Variants in SLC9A7 observed in about 807,000 individuals in gnomAD.
The protein encoded by SLC9A7 is solute carrier family 9 member A7.
Under a neutral mutation model 52.6 loss-of-function variants are expected in SLC9A7, and 19 were observed. The ratio of observed to expected loss-of-function variants is 0.36; its 90% CI spans 0.25 to 0.53. SLC9A7 has a LOEUF of 0.53. Among genes scored for constraint, SLC9A7 ranks in the 20% least tolerant of loss-of-function variants. The probability of loss-of-function intolerance (pLI) is 0.91; values close to 1 mark genes in which losing one functional copy is unlikely to be tolerated. For missense variants in SLC9A7, 455 were observed against 597.9 expected (o/e 0.76, Z 2.49); for synonymous variants, 226 against 252.1 (o/e 0.90, Z 0.98).
At chrX:46,730,325 G>T (rs1053566250) in intron 1 of SLC9A7, among the ~76,000 whole-genome samples, 4 of 109,778 alleles carry the variant, frequency 3.6e-5, no homozygotes, top group Non-Finnish European at 5.7e-5. Flanking sequence ...TTTAAAAAAA[G>T]AAAATAAAGG....
At chrX:46,628,639 C>G (rs1340920194) in intron 14 of SLC9A7, among the ~76,000 whole-genome samples, 1 of 112,325 alleles carries the variant, frequency 8.9e-6, no homozygotes, top group African/African-American at 3.2e-5. Context: ...GCCTTCCCAT[C>G]AAATGTCACT....
In SLC9A7 at chrX:46,605,758, A is replaced by G. The variant is rs975437692; in HGVS notation, c.*1194T>C. On this transcript the variant is annotated 3_prime_UTR_variant, in exon 17 of 17. Coordinates refer to ENST00000616978, the MANE Select transcript of SLC9A7 (RefSeq NM_001257291.2). ...TTTCTTGCTGCCTTCCCTTTCCCAG[A>G]TAATAGCATCCTACAAAATTTGGTG... is the stretch of plus-strand genomic sequence containing the variant. The G allele has an allele frequency of 9.0e-6, 1 of 111,705 alleles. No homozygotes were observed. The highest frequency in any genetic ancestry group is 3.3e-5 in the African/African-American group (1 of 30,656). 9.2% of individuals were successfully genotyped at this position (111,705 alleles called of 1,213,427 possible).
intron 7 of SLC9A7, among the ~76,000 whole-genome samples, chrX:46,661,251 C>T (rs773614039): frequency 6.3e-4 from 69 of 109,320 alleles, no homozygotes; most frequent in African/African-American, 2.2e-3. Flanking sequence ...AGGGATAGCA[C>T]TGGGAGATAT....
chrX:46,643,357 T>C lies in SLC9A7; in HGVS notation c.1495A>G (p.Ile499Val). 1 of 1,211,149 alleles carries C rather than the reference T, an allele frequency of 8.3e-7. No homozygotes were observed. The highest frequency in any genetic ancestry group is 3.0e-5 in the East Asian group (1 of 33,847). The change falls in exon 12 of 17, where the codon ATC becomes GTC. Residue 499 changes from isoleucine to valine, a missense_variant. This residue lies in a region of SLC9A7 where 304 missense variants were observed against 417.8 expected (regional missense o/e 0.73). Coordinates refer to ENST00000616978, the MANE Select transcript of SLC9A7 (RefSeq NM_001257291.2). ...CGAGCATAGGATGCCGTGTCACGGA[T>C]GGCCAACGCAAATGCCATTGCTCCC... is the stretch of plus-strand genomic sequence containing the variant. ...LRGAMAFALA[I>V]RDTASYARQM...
chrX:46,659,379 T>G (rs554662028), intron 7 of SLC9A7, among the ~76,000 whole-genome samples: 2,133 of 80,949 alleles, frequency 0.026, 80 homozygotes, highest in East Asian at 0.11. Flanking sequence ...CCAGGGCAAT[T>G]AGGCAGGAGA....
intron 1 of SLC9A7, among the ~76,000 whole-genome samples, chrX:46,717,115 C>T (rs1396254188): frequency 8.9e-6 from 1 of 112,119 alleles, no homozygotes; most frequent in Non-Finnish European, 1.9e-5. Context: ...GTCATAAAAA[C>T]CAAAGTTGAA....
intron 1 of SLC9A7, among the ~76,000 whole-genome samples, chrX:46,732,085 G>T (rs1945051277): frequency 9.1e-6 from 1 of 109,721 alleles, no homozygotes; most frequent in Non-Finnish European, 1.9e-5. Context: ...AGCCAGGCAT[G>T]GTGGCAGGCG....
Position 46,653,685 on chromosome X carries a change from G to A in SLC9A7, c.1071C>T (p.Phe357=), listed in dbSNP as rs1479432724. 30 of 1,208,598 alleles carry A rather than the reference G, an allele frequency of 2.5e-5. No individual in the cohort carries two copies. The highest frequency in any genetic ancestry group is 1.5e-4 in the East Asian group (5 of 33,740). Residue 357 remains phenylalanine, a synonymous_variant, in exon 8 of 17, where the codon TTC becomes TTT. Coordinates refer to ENST00000616978, the MANE Select transcript of SLC9A7 (RefSeq NM_001257291.2). ...LVTKFTKLHC[F]PLLETALFFL... is the part of the protein sequence containing the mutation. ...AGAACAGCGCCGTCTCCAGCAGGGG[G>A]AAGCAGTGCAGTTTGGTAAACTTAG... is the stretch of plus-strand genomic sequence containing the variant.
intron 1 of SLC9A7, among the ~76,000 whole-genome samples, chrX:46,711,899 T>TTCACACAC (rs778950018): frequency 1.1e-5 from 1 of 91,187 alleles, no homozygotes; most frequent in East Asian, 3.9e-4. Context: ...GCCTCTAAAT[T>TTCACACAC]ACACACACAC....
Position 46,758,962 on chromosome X carries a change from A to G in SLC9A7, c.68T>C (p.Leu23Pro). 9.5e-7 allele frequency: 1 copy of G among 1,058,079 alleles called. No homozygotes were observed. Among genetic ancestry groups the G allele is most frequent in the Non-Finnish European group, 1.2e-6 (1 of 826,446 alleles). 87.2% of individuals were successfully genotyped at this position (1,058,079 alleles called of 1,213,427 possible). A position where few individuals can be genotyped will look rare whatever the true frequency, so the allele number is the denominator to read the frequency against. The change falls in exon 1 of 17, where the codon CTG becomes CCG. Residue 23 changes from leucine to proline, a missense_variant. Coordinates refer to ENST00000616978, the MANE Select transcript of SLC9A7 (RefSeq NM_001257291.2). ...CCAACCCAGCAGCAGCGGCAGCAGCAGCAGCCGCGGCGGCGGCGCCCCGGT... is the reference window on the plus strand; with the variant it reads ...CCAACCCAGCAGCAGCGGCAGCAGCGGCAGCCGCGGCGGCGGCGCCCCGGT... ...RATGAPPPRLLLLPLLLGWGL... is the reference protein window; with the variant it reads ...RATGAPPPRLPLLPLLLGWGL...
chrX:46,732,853 G>C (rs1945065375), intron 1 of SLC9A7, among the ~76,000 whole-genome samples: 1 of 111,425 alleles, frequency 9.0e-6, no homozygotes, highest in Non-Finnish European at 1.9e-5. Flanking sequence ...CTAAATTATG[G>C]TACATCCAAA....
intron 1 of SLC9A7, among the ~76,000 whole-genome samples, chrX:46,688,591 C>T (rs1944333468): frequency 9.8e-6 from 1 of 102,249 alleles, no homozygotes; most frequent in African/African-American, 3.7e-5. Context: ...GAGCGAAACT[C>T]CGCCTCAAAA....
chrX:46,620,367 G>A (rs954003371), intron 15 of SLC9A7, among the ~76,000 whole-genome samples: 2 of 111,738 alleles, frequency 1.8e-5, no homozygotes, highest in Non-Finnish European at 3.8e-5. Context: ...GTTGCAGTGA[G>A]CTGAGTGCGC....
intron 1 of SLC9A7, among the ~76,000 whole-genome samples, chrX:46,682,960 A>ATTTTT (rs1169630244): frequency 2.2e-3 from 144 of 64,886 alleles, no homozygotes; most frequent in Non-Finnish European, 3.0e-3. Flanking sequence ...CACCCGGCTA[A>ATTTTT]TTTTTTTTTT....
intron 1 of SLC9A7, among the ~76,000 whole-genome samples, chrX:46,710,321 C>T (rs1944668157): frequency 8.9e-6 from 1 of 111,818 alleles, no homozygotes; most frequent in African/African-American, 3.3e-5. Flanking sequence ...AGAAGAACCG[C>T]ATTCAGAAAT....
At chrX:46,669,165 CTCAAAAA>C (rs1943977249) in intron 5 of SLC9A7, among the ~76,000 whole-genome samples, 2 of 70,381 alleles carry the variant, frequency 2.8e-5, no homozygotes, top group Non-Finnish European at 5.5e-5. Flanking sequence ...AAGACTCTGT[CTCAAAAA>C]AAAAAAAAAA....
chrX:46,748,544 AGTGT>A (rs200266669), intron 1 of SLC9A7, among the ~76,000 whole-genome samples: 1,271 of 94,399 alleles, frequency 0.013, 22 homozygotes, highest in African/African-American at 0.045. Context: ...ATAAATGTGG[AGTGT>A]GTGTGTGTGT....
Position 46,669,694 on chromosome X carries a change from G to T in SLC9A7, c.706C>A (p.Leu236Ile). The T allele has an allele frequency of 1.7e-6, 2 of 1,161,169 alleles. No individual in the cohort carries two copies. Among genetic ancestry groups the T allele is most frequent in the Non-Finnish European group, 2.3e-6 (2 of 858,513 alleles). ...IGNLMYGVVKLMKIMGQLSDK... is the reference protein window; with the variant it reads ...IGNLMYGVVKIMKIMGQLSDK... The stretch of plus-strand genomic sequence containing the variant: ...GAGAGCTGTCCCATAATCTTCATGA[G>T]CTTCACCACACCATACATGAGATTT... The change falls in exon 5 of 17, where the codon CTC (leucine) becomes ATC (isoleucine). Residue 236 changes from leucine to isoleucine, a missense_variant. This residue lies in a region of SLC9A7 where 304 missense variants were observed against 417.8 expected (regional missense o/e 0.73). Transcript: ENST00000616978.
intron 4 of SLC9A7, among the ~76,000 whole-genome samples, chrX:46,671,315 C>T (rs1433775429): frequency 1.8e-5 from 2 of 110,752 alleles, no homozygotes; most frequent in Non-Finnish European, 3.8e-5. Flanking sequence ...GGCTGGAGTG[C>T]AATGGCGCAA....
Sources: allele counts gnomAD v4.1 joint callset (sites outside exome capture counted in the v4.1 genomes callset), GRCh38; gene constraint gnomAD v4.1.1; regional missense constraint gnomAD v4.1.1; transcripts MANE v1.5; gene names NCBI Gene and HGNC (gene_info 2026-07-23, HGNC 2026-07-21).